The following KAT7 variants were observed in gnomAD, a reference collection of about 807,000 sequenced individuals.
KAT7 encodes the protein histone acetyltransferase KAT7.
In KAT7, 10 loss-of-function variants were observed where a neutral mutation model predicts 82.1. That is an observed-to-expected ratio of 0.12 (90% CI 0.08 to 0.21). The LOEUF is 0.21. KAT7 is among the 10% of genes least tolerant of loss of function. KAT7 has a pLI of 1.00. For synonymous variants in KAT7, 250 were observed against 262.5 expected (o/e 0.95, Z 0.46); for missense variants, 378 against 760.9 (o/e 0.50, Z 5.92).
At position 49,827,903 on chromosome 17, in the gene KAT7, C is replaced by T. The variant is rs2144003539; in HGVS notation, c.*401C>T. ...ACCAGACCTCCAAATATGGCTGCCA[C>T]CACCAGGACCTTTCCAGTTACTCCT... On this transcript the variant is annotated 3_prime_UTR_variant, in exon 15 of 15. Coordinates refer to ENST00000259021, the MANE Select transcript of KAT7 (RefSeq NM_007067.5). The T allele has an allele frequency of 5.8e-6, 1 of 170,964 alleles. No homozygotes were observed. Among genetic ancestry groups the T allele is most frequent in the South Asian group, 1.8e-4 (1 of 5,474 alleles). The allele number at this position is 170,964 out of a possible 1,614,324, so 10.6% of individuals were successfully genotyped here.
chr17:49,795,446 G>A lies in KAT7; in HGVS notation c.164-1304G>A, dbSNP rs116498879. ...TATATCACCTTGAAGAAGTATGGTGGTGGAACCAAACCCGTTCCAAAGAAA... is the reference window on the plus strand; with the variant it reads ...TATATCACCTTGAAGAAGTATGGTGATGGAACCAAACCCGTTCCAAAGAAA... On this transcript the variant is annotated intron_variant, in intron 2 of 14. Transcript: ENST00000259021. 1.6e-3 allele frequency: 390 copies of A among 247,114 alleles called. 3 individuals carry two copies. Among genetic ancestry groups the A allele is most frequent in the African/African-American group, 8.6e-3 (376 of 43,822 alleles). 15.3% of individuals were successfully genotyped at this position (247,114 alleles called of 1,614,324 possible).
intron 1 of KAT7, chr17:49,789,720 A>G (rs1048963945): frequency 1.3e-5 from 2 of 152,122 alleles, no homozygotes; most frequent in South Asian, 2.1e-4. Context: ...AATTAATTAG[A>G]TGTGATCCCT....
At chr17:49,800,303 G>A (rs966905324) in intron 4 of KAT7, among the ~76,000 whole-genome samples, 11 of 152,094 alleles carry the variant, frequency 7.2e-5, no homozygotes, top group African/African-American at 1.9e-4. Context: ...GAGCCACCAC[G>A]CCTGGCCATT....
chr17:49,816,288 C>G (rs1567860470), intron 8 of KAT7, among the ~76,000 whole-genome samples: 1 of 152,184 alleles, frequency 6.6e-6, no homozygotes, highest in African/African-American at 2.4e-5. Context: ...AGGAACTCCC[C>G]TTTTGCTAGG....
intron 4 of KAT7, among the ~76,000 whole-genome samples, chr17:49,804,325 G>A (rs896700301): frequency 9.2e-5 from 14 of 151,512 alleles, no homozygotes; most frequent in Non-Finnish European, 7.4e-5. Flanking sequence ...CTTGCAGTGA[G>A]CCGAGATCGC....
chr17:49,820,405 A>T (rs1159963823), intron 9 of KAT7, among the ~76,000 whole-genome samples: 11 of 151,906 alleles, frequency 7.2e-5, no homozygotes, highest in Admixed American at 4.6e-4. Flanking sequence ...CAGCCTCCAG[A>T]GTAGCTGGGA....
In KAT7 at chr17:49,788,718, G is replaced by A. The variant is rs2073839266; in HGVS notation, c.-117G>A. 3.5e-6 allele frequency: 4 copies of A among 1,152,664 alleles called. No homozygotes were observed. The highest frequency in any genetic ancestry group is 2.8e-5 in the Admixed American group (1 of 35,984). 71.4% of individuals were successfully genotyped at this position (1,152,664 alleles called of 1,614,324 possible). ...AGACGCTGAGAGGCAGGAGGCACTA[G>A]GGATCGTCCGCAGGATTGGGACTGA... On this transcript the variant is annotated 5_prime_UTR_variant, in exon 1 of 15. Coordinates refer to ENST00000259021, the MANE Select transcript of KAT7 (RefSeq NM_007067.5).
intron 2 of KAT7, among the ~76,000 whole-genome samples, chr17:49,794,537 CG>C (rs1020188204): frequency 3.3e-5 from 5 of 152,134 alleles, no homozygotes; most frequent in Non-Finnish European, 5.9e-5. Flanking sequence ...CTGCCCGCCT[CG>C]GCCTCCCAAA....
rs536523914 is a variant in KAT7, at chr17:49,801,918, C to T, written c.580+3360C>T. On this transcript the variant is annotated intron_variant, in intron 4 of 14. Transcript: ENST00000259021. Reference sequence around the variant, plus strand: ...TTAACTCATACCCGCAGAACTGTGCCACAGATACAAAACTTCTGTTTGCAG... The same window carrying T: ...TTAACTCATACCCGCAGAACTGTGCTACAGATACAAAACTTCTGTTTGCAG... 2.6e-5 allele frequency among the ~76,000 whole-genome samples: 4 copies of T among 152,268 alleles called. No homozygotes were observed. The South Asian group carries it at 8.3e-4, about 32-fold the overall frequency.
At chr17:49,824,324 G>A (rs954572971) in intron 12 of KAT7, among the ~76,000 whole-genome samples, 4 of 152,098 alleles carry the variant, frequency 2.6e-5, no homozygotes, top group Non-Finnish European at 5.9e-5. Flanking sequence ...AATCAAAATT[G>A]GAATTCCTAG....
chr17:49,799,658 A>G (rs548778361), intron 4 of KAT7, among the ~76,000 whole-genome samples: 35 of 151,386 alleles, frequency 2.3e-4, no homozygotes, highest in Non-Finnish European at 2.5e-4. Flanking sequence ...TACAGGCATG[A>G]GCCTTTTGTT....
At position 49,834,666 on chromosome 17, in the gene KAT7, C is replaced by T. The variant is rs1041145580; in HGVS notation, c.*7164C>T. ...GTGTTTACTGAGAAAGCCTCCACTT[C>T]AACGTTCCATGAAGTGTGTTCCATT... On this transcript the variant is annotated 3_prime_UTR_variant, in exon 15 of 15. Transcript: ENST00000259021. 2 of 152,214 alleles carry T rather than the reference C, an allele frequency of 1.3e-5. No homozygotes were observed. The highest frequency in any genetic ancestry group is 2.9e-5 in the Non-Finnish European group (2 of 68,036). 9.4% of individuals were successfully genotyped at this position (152,214 alleles called of 1,614,324 possible).
intron 14 of KAT7, 200 bp from the exon 15 acceptor site, chr17:49,827,201 C>A (rs2074378724): frequency 5.5e-6 from 3 of 550,028 alleles, no homozygotes; most frequent in Non-Finnish European, 9.7e-6. Context: ...CGATGATTTT[C>A]ATTTCTCACT....
At position 49,788,768 on chromosome 17, in the gene KAT7, C is replaced by T. The variant is rs898812030; in HGVS notation, c.-67C>T. 3.3e-5 allele frequency: 50 copies of T among 1,536,164 alleles called. No homozygotes were observed. Among genetic ancestry groups the T allele is most frequent in the Non-Finnish European group, 3.9e-5 (44 of 1,137,786 alleles). On this transcript the variant is annotated 5_prime_UTR_variant, in exon 1 of 15. Transcript: ENST00000259021. ...ATACAGAGGCCGCCACGGAGCCCGC[C>T]GGAGCCACCGTTCCTGCTGCTGCCG...
At chr17:49,798,278 T>A in intron 3 of KAT7, 41 bp from the exon 4 acceptor site, 6 of 1,591,128 alleles carry the variant, frequency 3.8e-6, no homozygotes, top group Non-Finnish European at 5.2e-6. Flanking sequence ...TCTAAATAAA[T>A]GAACTCCACT....
At chr17:49,817,159 T>C (rs1170769218) in intron 8 of KAT7, among the ~76,000 whole-genome samples, 1 of 152,246 alleles carries the variant, frequency 6.6e-6, no homozygotes, top group African/African-American at 2.4e-5. Flanking sequence ...GTTTTTTGTT[T>C]AGTTTTAGAA....
intron 4 of KAT7, among the ~76,000 whole-genome samples, chr17:49,802,032 C>T (rs143222400): frequency 2.3e-4 from 35 of 152,186 alleles, no homozygotes; most frequent in Admixed American, 6.5e-4. Flanking sequence ...ATTCATAAAA[C>T]GGAAAATAGG....
chr17:49,820,904 G>A (rs889132075), intron 9 of KAT7, among the ~76,000 whole-genome samples: 1 of 152,044 alleles, frequency 6.6e-6, no homozygotes, highest in Non-Finnish European at 1.5e-5. Flanking sequence ...AACAAAGAAG[G>A]CCATCATGGT....
At chr17:49,795,460 G>A (rs16948378) in intron 2 of KAT7, 35,797 of 241,884 alleles carry the variant, frequency 0.15, 3,857 homozygotes, top group East Asian at 0.47. Flanking sequence ...AACCAAACCC[G>A]TTCCAAAGAA....
Sources: allele counts gnomAD v4.1 joint callset (sites outside exome capture counted in the v4.1 genomes callset), GRCh38; gene constraint gnomAD v4.1.1; transcripts MANE v1.5; gene names NCBI Gene and HGNC (gene_info 2026-07-23, HGNC 2026-07-21).